ACER3: variants seen among roughly 807,000 people sequenced by gnomAD.
ACER3 encodes the protein alkCDase 3.
A neutral mutation model predicts 48.9 loss-of-function variants in ACER3; 16 were observed. The observed-to-expected ratio is 0.33, with a 90% CI of 0.22 to 0.50. ACER3 has a LOEUF of 0.50. Ranked by LOEUF, ACER3 falls within the 20% of genes least tolerant of loss-of-function variation. The pLI, the probability that ACER3 is intolerant of heterozygous loss-of-function variation, is 0.98. For missense variants in ACER3, 227 were observed against 326.0 expected (o/e 0.70, Z 2.34); for synonymous variants, 109 against 107.8 (o/e 1.01, Z -0.07).
At chr11:76,892,767 A>G in intron 1 of ACER3, among the ~76,000 whole-genome samples, 1 of 152,342 alleles carries the variant, frequency 6.6e-6, no homozygotes, top group Admixed American at 6.5e-5. Flanking sequence ...ACACTGTTTA[A>G]GAAATTAAGT....
intron 1 of ACER3, among the ~76,000 whole-genome samples, chr11:76,899,824 A>G (rs1279702414): frequency 6.6e-6 from 1 of 152,138 alleles, no homozygotes; most frequent in Non-Finnish European, 1.5e-5. Flanking sequence ...TGACCCTTGA[A>G]TAACATAGGG....
intron 1 of ACER3, among the ~76,000 whole-genome samples, chr11:76,883,445 T>TTTG (rs1945585827): frequency 7.1e-6 from 1 of 140,834 alleles, no homozygotes. Context: ...TTGCTTTTTT[T>TTTG]TTTTTTTTTT....
intron 7 of ACER3, among the ~76,000 whole-genome samples, chr11:77,013,373 C>T (rs556104305): frequency 2.6e-5 from 4 of 152,100 alleles, no homozygotes; most frequent in Admixed American, 1.3e-4. Context: ...AACAAAGTAC[C>T]TACATGTAAA....
At chr11:76,878,398 A>G (rs764822147) in intron 1 of ACER3, among the ~76,000 whole-genome samples, 1 of 152,088 alleles carries the variant, frequency 6.6e-6, no homozygotes, top group Non-Finnish European at 1.5e-5. Context: ...TCTGTGAGTT[A>G]AATCTATTGG....
chr11:77,013,068 C>CA (rs141385324), intron 7 of ACER3, among the ~76,000 whole-genome samples: 1 of 151,102 alleles, frequency 6.6e-6, no homozygotes, highest in Non-Finnish European at 1.5e-5. Flanking sequence ...TTCTTAGGAC[C>CA]AAAAAAAATG....
In ACER3 at chr11:76,959,468, A is replaced by G. The variant is rs151171918; in HGVS notation, c.267+437A>G. Among the ~76,000 whole-genome samples, 45 of 152,344 alleles carry G rather than the reference A, an allele frequency of 3.0e-4. No individual in the cohort carries two copies. The East Asian group carries it at 8.1e-3, about 27-fold the overall frequency. Reference sequence around the variant, plus strand: ...CCAACCTGTGGGCCGCATGTGACCCAGGATGGCTTTGAATGCAGCCCAATA... The same window carrying G: ...CCAACCTGTGGGCCGCATGTGACCCGGGATGGCTTTGAATGCAGCCCAATA... On this transcript the variant is annotated intron_variant, in intron 3 of 10. Coordinates refer to ENST00000532485, the MANE Select transcript of ACER3 (RefSeq NM_018367.7).
intron 2 of ACER3, among the ~76,000 whole-genome samples, chr11:76,927,153 C>T (rs1565181228): frequency 6.6e-6 from 1 of 152,112 alleles, no homozygotes; most frequent in African/African-American, 2.4e-5. Flanking sequence ...TAGAAGTATA[C>T]ATAGTATGGT....
chr11:76,981,266 A>G (rs1261486509), intron 4 of ACER3, among the ~76,000 whole-genome samples: 2 of 152,218 alleles, frequency 1.3e-5, no homozygotes, highest in African/African-American at 2.4e-5. Flanking sequence ...AATCTTCTGC[A>G]CTATCTGTTT....
intron 1 of ACER3, among the ~76,000 whole-genome samples, chr11:76,905,753 GAATGAAATATAGT>G (rs139414723): frequency 0.021 from 3,218 of 152,180 alleles, 110 homozygotes; most frequent in African/African-American, 0.074. Context: ...AAATTAAAAG[GAATGAAATATAGT>G]ATCTAATAGA....
At chr11:76,922,703 G>T (rs748424918) in intron 1 of ACER3, among the ~76,000 whole-genome samples, 16 of 152,224 alleles carry the variant, frequency 1.1e-4, no homozygotes, top group Admixed American at 6.5e-4. Flanking sequence ...GATAGACCTG[G>T]AATAAAATCT....
chr11:76,873,157 C>T (rs930684668), intron 1 of ACER3, among the ~76,000 whole-genome samples: 5 of 152,054 alleles, frequency 3.3e-5, no homozygotes, highest in African/African-American at 1.2e-4. Context: ...TGGCCTCAAG[C>T]GATCCTCCCA....
intron 2 of ACER3, among the ~76,000 whole-genome samples, chr11:76,945,615 A>G (rs1484463408): frequency 6.6e-6 from 1 of 152,126 alleles, no homozygotes; most frequent in Non-Finnish European, 1.5e-5. Context: ...GCTGTGTGTC[A>G]GTTTTTAGTC....
intron 1 of ACER3, among the ~76,000 whole-genome samples, chr11:76,910,641 A>C (rs1306916284): frequency 6.6e-6 from 1 of 152,180 alleles, no homozygotes; most frequent in Non-Finnish European, 1.5e-5. Flanking sequence ...TAAACAGAAA[A>C]TAATAAACAT....
At chr11:76,931,420 A>G (rs1024171126) in intron 2 of ACER3, among the ~76,000 whole-genome samples, 2 of 150,372 alleles carry the variant, frequency 1.3e-5, no homozygotes, top group African/African-American at 4.9e-5. Flanking sequence ...TCTTTATCCA[A>G]TTTGCCAGCC....
At chr11:76,956,331 G>C (rs1189095514) in intron 2 of ACER3, among the ~76,000 whole-genome samples, 2 of 152,150 alleles carry the variant, frequency 1.3e-5, no homozygotes, top group African/African-American at 4.8e-5. Flanking sequence ...TCAGTTGCAG[G>C]AGAGCACTTT....
intron 1 of ACER3, among the ~76,000 whole-genome samples, chr11:76,872,448 T>C (rs908295219): frequency 3.3e-5 from 5 of 152,172 alleles, no homozygotes; most frequent in African/African-American, 1.2e-4. Context: ...CTTACCACTT[T>C]TTTAGACCCC....
chr11:77,005,993 T>TATATATATATACATATATATATA (rs1565224912), intron 7 of ACER3, among the ~76,000 whole-genome samples: 1 of 87,960 alleles, frequency 1.1e-5, no homozygotes, highest in African/African-American at 5.3e-5. Flanking sequence ...ATATATATAT[T>TATATATATATACATATATATATA]TTTTTTTTTT....
At chr11:76,918,334 T>C (rs1456069481) in intron 1 of ACER3, among the ~76,000 whole-genome samples, 1 of 152,066 alleles carries the variant, frequency 6.6e-6, no homozygotes, top group Non-Finnish European at 1.5e-5. Context: ...TATGCATTTA[T>C]ATGATGGTTA....
At chr11:76,873,004 T>C (rs1357342973) in intron 1 of ACER3, among the ~76,000 whole-genome samples, 2 of 146,530 alleles carry the variant, frequency 1.4e-5, no homozygotes, top group Admixed American at 6.9e-5. Context: ...CTCAAACTCC[T>C]GGGTTCAAGG....
Sources: gnomAD v4.1 joint callset for allele counts (sites outside exome capture counted in the v4.1 genomes callset) on GRCh38, gnomAD v4.1.1 for gene constraint, MANE v1.5 for transcripts, NCBI Gene and HGNC (gene_info 2026-07-23, HGNC 2026-07-21) for gene names.